DZIP3: variants seen among roughly 807,000 people sequenced by gnomAD.
DZIP3 encodes DAZ interacting zinc finger protein 3.
DZIP3 carries 118 observed loss-of-function variants against 162.0 expected under a neutral mutation model. The ratio of observed to expected loss-of-function variants is 0.73; its 90% CI spans 0.63 to 0.85. DZIP3 has a LOEUF of 0.85. Among genes scored for constraint, DZIP3 ranks in the 40% least tolerant of loss-of-function variants. The pLI is 0.00. For missense variants in DZIP3, 1,331 were observed against 1,407.0 expected, an observed-to-expected ratio of 0.95 and a Z score of 0.86; for synonymous variants, 438 against 458.6, an observed-to-expected ratio of 0.96 and a Z score of 0.57.
At chr3:108,599,003 G>A (rs1939853499) in intron 1 of DZIP3, among the ~76,000 whole-genome samples, 1 of 152,194 alleles carries the variant, frequency 6.6e-6, no homozygotes, top group African/African-American at 2.4e-5. Flanking sequence ...GTTTACCTGT[G>A]TAAGTCCAAA....
In DZIP3 at chr3:108,644,602, A is replaced by G. The variant is rs751656970; in HGVS notation, c.1580A>G (p.Asn527Ser). ...LMNGLTESQF[N>S]SIWKKVSDIL... ...AATGGTCTCACTGAGTCACAGTTCA[A>G]TTCAATTTGGAAAAAAGTTTCAGAT... Residue 527 changes from asparagine (N) to serine (S), a missense_variant, in exon 14 of 33, where the codon AAT becomes AGT. By Grantham distance (46) the Asn-to-Ser change is conservative. Coordinates refer to ENST00000361582, the MANE Select transcript of DZIP3 (RefSeq NM_014648.4). The G allele has an allele frequency of 6.2e-7, 1 of 1,614,092 alleles. No homozygotes were observed. Among genetic ancestry groups the G allele is most frequent in the Admixed American group, 1.7e-5 (1 of 60,020 alleles).
chr3:108,644,544 T>TA lies in DZIP3; in HGVS notation c.1523dup (p.Tyr508Ter). 1.2e-6 allele frequency: 2 copies of TA among 1,614,136 alleles called. No homozygotes were observed. Among genetic ancestry groups the TA allele is most frequent in the Non-Finnish European group, 1.7e-6 (2 of 1,179,982 alleles). Residue 508 changes from tyrosine (Y) to a stop codon, truncating the protein, a stop_gained and frameshift_variant, in exon 14 of 33, where the codon TAC becomes TAAC. Coordinates refer to ENST00000361582, the MANE Select transcript of DZIP3 (RefSeq NM_014648.4). LOFTEE classifies it high-confidence loss of function. ...TGCAGACATCCTGAGACTGTGCAAA[T>TA]ACAGGGATATCCTCCTTAGTGAGAT... is the stretch of plus-strand genomic sequence containing the variant. ...KSADILRLCK[Y>*]RDILLSEILM...
intron 19 of DZIP3, among the ~76,000 whole-genome samples, chr3:108,656,686 C>A (rs1348712088): frequency 6.6e-6 from 1 of 152,110 alleles, no homozygotes; most frequent in East Asian, 1.9e-4. Flanking sequence ...GACGATCAAA[C>A]TACTCCGAGC....
At chr3:108,606,085 A>G (rs1387542359) in intron 2 of DZIP3, among the ~76,000 whole-genome samples, 2 of 152,192 alleles carry the variant, frequency 1.3e-5, no homozygotes, top group Non-Finnish European at 1.5e-5. Context: ...TAGACTTACT[A>G]TGTCAGCATT....
At chr3:108,631,055 A>ACACACACACACACACACTCTCTCT in intron 8 of DZIP3, among the ~76,000 whole-genome samples, 24 of 18,000 alleles carry the variant, frequency 1.3e-3, no homozygotes, top group South Asian at 2.3e-3. Context: ...ACACACACAC[A>ACACACACACACACACACTCTCTCT]CTCTCTCTCT....
chr3:108,606,748 G>T (rs531077717), intron 2 of DZIP3, among the ~76,000 whole-genome samples: 1 of 152,282 alleles, frequency 6.6e-6, no homozygotes, highest in Non-Finnish European at 1.5e-5. Context: ...AGGAGGAAGT[G>T]AGGGTAAGTT....
At chr3:108,601,592 T>G (rs1940022315) in intron 1 of DZIP3, among the ~76,000 whole-genome samples, 1 of 152,110 alleles carries the variant, frequency 6.6e-6, no homozygotes, top group Non-Finnish European at 1.5e-5. Flanking sequence ...AGTGCTAGAG[T>G]TGACAAGGGA....
intron 24 of DZIP3, among the ~76,000 whole-genome samples, 155 bp from the exon 25 acceptor site, chr3:108,675,631 C>A (rs1013488964): frequency 6.6e-6 from 1 of 151,978 alleles, no homozygotes; most frequent in Admixed American, 6.6e-5. Context: ...ACAAACCTGT[C>A]CATACCTCTT....
chr3:108,601,930 C>T (rs888876574), intron 1 of DZIP3, among the ~76,000 whole-genome samples: 4 of 152,098 alleles, frequency 2.6e-5, no homozygotes, highest in African/African-American at 4.8e-5. Context: ...TATATAAACC[C>T]CTAGTTTTAG....
intron 19 of DZIP3, among the ~76,000 whole-genome samples, chr3:108,659,444 A>G (rs1271357704): frequency 1.3e-5 from 2 of 152,244 alleles, no homozygotes; most frequent in Non-Finnish European, 2.9e-5. Flanking sequence ...CAACGCCTTC[A>G]TGCTAAAAAC....
chr3:108,602,643 A>G (rs776035281), intron 1 of DZIP3, among the ~76,000 whole-genome samples: 1 of 152,026 alleles, frequency 6.6e-6, no homozygotes, highest in Non-Finnish European at 1.5e-5. Context: ...TTTTTCCTTC[A>G]TGTTAACGCT....
chr3:108,670,118 G>T (rs1943872458), intron 22 of DZIP3, among the ~76,000 whole-genome samples: 1 of 151,698 alleles, frequency 6.6e-6, no homozygotes, highest in African/African-American at 2.4e-5. Context: ...TTTTGCCTGT[G>T]GGAAATTTTT....
At chr3:108,674,942 A>C (rs1163697012) in intron 24 of DZIP3, among the ~76,000 whole-genome samples, 10 of 151,888 alleles carry the variant, frequency 6.6e-5, no homozygotes, top group Non-Finnish European at 1.5e-4. Flanking sequence ...ACTGATGTGC[A>C]CTCAAGTCAG....
intron 19 of DZIP3, among the ~76,000 whole-genome samples, chr3:108,655,278 A>C (rs1159296534): frequency 6.6e-6 from 1 of 152,202 alleles, no homozygotes; most frequent in Non-Finnish European, 1.5e-5. Context: ...TAATGTTTAC[A>C]ATCTAGTGGA....
intron 26 of DZIP3, among the ~76,000 whole-genome samples, chr3:108,678,391 A>T (rs557871743): frequency 6.6e-6 from 1 of 152,056 alleles, no homozygotes; most frequent in Non-Finnish European, 1.5e-5. Context: ...CTTCCATGAA[A>T]CCAGTCCCTG....
At chr3:108,691,589 T>C (rs1944698368) in intron 32 of DZIP3, among the ~76,000 whole-genome samples, 1 of 152,142 alleles carries the variant, frequency 6.6e-6, no homozygotes, top group Non-Finnish European at 1.5e-5. Context: ...ACCTCTAGAA[T>C]GAGGGTCTTA....
At chr3:108,675,763 T>G (rs557550447) in intron 24 of DZIP3, 23 bp from the exon 25 acceptor site, 1 of 1,580,808 alleles carries the variant, frequency 6.3e-7, no homozygotes, top group Admixed American at 2.0e-5. Context: ...GAGTTTTCTT[T>G]TGTGTCTCCT....
chr3:108,626,947 T>C (rs1202520324), intron 7 of DZIP3, among the ~76,000 whole-genome samples: 2 of 152,234 alleles, frequency 1.3e-5, no homozygotes, highest in African/African-American at 4.8e-5. Context: ...ACTGGATCCC[T>C]AAAAGTGTCA....
intron 32 of DZIP3, 53 bp downstream of exon 32, chr3:108,690,956 G>C: frequency 6.8e-7 from 1 of 1,471,098 alleles, no homozygotes; most frequent in Non-Finnish European, 9.5e-7. Context: ...TGAGCTGCTT[G>C]TTTGAGTGGT....
Sources: allele counts gnomAD v4.1 joint callset (sites outside exome capture counted in the v4.1 genomes callset), GRCh38; gene constraint gnomAD v4.1.1; transcripts MANE v1.5; gene names NCBI Gene and HGNC (gene_info 2026-07-23, HGNC 2026-07-21).